The following OCM variants were observed in gnomAD, a reference collection of about 807,000 sequenced individuals.
The protein encoded by OCM is oncomodulin-1.
Under a neutral mutation model 14.1 loss-of-function variants are expected in OCM, and 18 were observed. That is an observed-to-expected ratio of 1.28 (90% CI 0.88 to 1.89). The LOEUF is 1.89. Among genes scored for constraint, OCM ranks in the 40% most tolerant of loss-of-function variants. The pLI, the probability that OCM is intolerant of heterozygous loss-of-function variation, is 0.00. For missense variants in OCM, 140 were observed against 137.6 expected, an observed-to-expected ratio of 1.02 and a Z score of -0.09; for synonymous variants, 48 against 51.0, an observed-to-expected ratio of 0.94 and a Z score of 0.25.
chr7:5,883,794 T>G, intron 2 of OCM, 96 bp from the exon 3 acceptor site: 1 of 1,460,890 alleles, frequency 6.8e-7, no homozygotes, highest in African/African-American at 1.4e-5. Flanking sequence ...TTGCCGGTGC[T>G]GGAAACAGGT....
the OCM span, among the ~76,000 whole-genome samples, chr7:5,867,694 C>T: frequency 7.2e-5 from 11 of 151,742 alleles, no homozygotes; most frequent in Admixed American, 6.6e-5. Flanking sequence ...AATTGTTTCT[C>T]TCTGTGTTTC....
chr7:5,875,667 G>A (rs1217987555), upstream of OCM, among the ~76,000 whole-genome samples: 1 of 151,796 alleles, frequency 6.6e-6, no homozygotes, highest in Admixed American at 6.6e-5. Flanking sequence ...AAGTATCTTG[G>A]TTTAACCCAT....
chr7:5,865,773 C>T, the OCM span, among the ~76,000 whole-genome samples: 1 of 152,078 alleles, frequency 6.6e-6, no homozygotes, highest in South Asian at 2.1e-4. Flanking sequence ...CAACACATAC[C>T]CTGTGCATTT....
chr7:5,864,943 A>G, the OCM span, among the ~76,000 whole-genome samples: 2 of 152,158 alleles, frequency 1.3e-5, no homozygotes, highest in Admixed American at 6.5e-5. Flanking sequence ...CCTCTCAAAA[A>G]AAAAAAGAAC....
chr7:5,860,992 G>A, the OCM span, among the ~76,000 whole-genome samples: 1 of 151,840 alleles, frequency 6.6e-6, no homozygotes, highest in African/African-American at 2.4e-5. Context: ...AGAACTTCTT[G>A]GCAAGAAGTC....
At chr7:5,869,546 C>T in the OCM span, among the ~76,000 whole-genome samples, 5 of 151,878 alleles carry the variant, frequency 3.3e-5, no homozygotes, top group Admixed American at 6.6e-5. Context: ...TGCAGTGAGC[C>T]GAGATGGCAC....
At chr7:5,884,752 G>T (rs978468079) in intron 3 of OCM, among the ~76,000 whole-genome samples, 2 of 150,686 alleles carry the variant, frequency 1.3e-5, no homozygotes, top group South Asian at 2.1e-4. Context: ...TACCACTATC[G>T]CTTACTACAT....
chr7:5,880,341 A>G (rs1781184802), upstream of OCM, among the ~76,000 whole-genome samples: 1 of 151,330 alleles, frequency 6.6e-6, no homozygotes, highest in South Asian at 2.1e-4. Context: ...TTTTTTTTCC[A>G]TTTTTGGCAT....
At chr7:5,875,617 G>A (rs1426391773), upstream of OCM, among the ~76,000 whole-genome samples, 3 of 151,644 alleles carry the variant, frequency 2.0e-5, no homozygotes, top group Non-Finnish European at 2.9e-5. Context: ...CTGGTCTCTG[G>A]TATCTTTATT....
At chr7:5,880,319 C>G (rs1318530838), upstream of OCM, among the ~76,000 whole-genome samples, 3 of 151,462 alleles carry the variant, frequency 2.0e-5, no homozygotes, top group Non-Finnish European at 4.4e-5. Context: ...TTGAATCCTT[C>G]TTTGGGTCAT....
chr7:5,867,980 C>T, the OCM span, among the ~76,000 whole-genome samples: 1 of 151,952 alleles, frequency 6.6e-6, no homozygotes, highest in Non-Finnish European at 1.5e-5. Flanking sequence ...TCTAGTGATC[C>T]ACCCACCTCA....
chr7:5,867,124 T>C, the OCM span, among the ~76,000 whole-genome samples: 157 of 152,300 alleles, frequency 1.0e-3, 1 homozygote, highest in Non-Finnish European at 1.9e-3. Flanking sequence ...CACAATAGTT[T>C]GTTTGTTCAT....
chr7:5,878,258 C>T (rs527679050), upstream of OCM, among the ~76,000 whole-genome samples: 10 of 151,580 alleles, frequency 6.6e-5, no homozygotes, highest in African/African-American at 2.4e-4. Context: ...CCACTGCGCC[C>T]GGCCAGTAGT....
chr7:5,878,712 A>G (rs1352556313), upstream of OCM, among the ~76,000 whole-genome samples: 1 of 151,484 alleles, frequency 6.6e-6, no homozygotes, highest in East Asian at 2.0e-4. Flanking sequence ...ATGTCACTGC[A>G]CTCCAGCCTG....
intron 1 of OCM, 133 bp downstream of exon 1, chr7:5,881,083 C>G (rs1781206064): frequency 1.2e-6 from 1 of 818,978 alleles, no homozygotes; most frequent in Non-Finnish European, 2.0e-6. Context: ...CTTTGGGAGG[C>G]CGAGGCGGGT....
upstream of OCM, chr7:5,880,715 C>T (rs1193652659): frequency 4.3e-5 from 24 of 564,100 alleles, no homozygotes; most frequent in South Asian, 4.3e-4. Context: ...GCCGAGATCA[C>T]GCTCTTGCAC....
At chr7:5,862,784 C>G in the OCM span, among the ~76,000 whole-genome samples, 3 of 151,990 alleles carry the variant, frequency 2.0e-5, no homozygotes, top group Admixed American at 6.6e-5. Flanking sequence ...TGTAGATCTA[C>G]TGAGCTCAAG....
intron 1 of OCM, among the ~76,000 whole-genome samples, chr7:5,881,260 G>A (rs1398450648): frequency 1.3e-5 from 2 of 151,068 alleles, no homozygotes; most frequent in Non-Finnish European, 2.9e-5. Flanking sequence ...AGAAGTTGCA[G>A]TGAGCTGAGA....
upstream of OCM, among the ~76,000 whole-genome samples, chr7:5,875,422 T>A (rs191982880): frequency 5.9e-5 from 9 of 152,196 alleles, no homozygotes; most frequent in East Asian, 1.7e-3. Flanking sequence ...AGCGCCTCAT[T>A]GATTCAGAAA....
Sources: allele counts gnomAD v4.1 joint callset (sites outside exome capture counted in the v4.1 genomes callset), GRCh38; gene constraint gnomAD v4.1.1; transcripts MANE v1.5; gene names NCBI Gene and HGNC (gene_info 2026-07-23, HGNC 2026-07-21).